CLVS1: variants seen among roughly 807,000 people sequenced by gnomAD.
CLVS1 encodes clavesin 1.
A neutral mutation model predicts 33.1 loss-of-function variants in CLVS1; 10 were observed. That is an observed-to-expected ratio of 0.30 (90% CI 0.19 to 0.51). The LOEUF is 0.51. Among genes scored for constraint, CLVS1 ranks in the 20% least tolerant of loss-of-function variants. The pLI, the probability that CLVS1 is intolerant of heterozygous loss-of-function variation, is 0.97. For missense variants in CLVS1, 343 were observed against 433.4 expected (o/e 0.79, Z 1.85); for synonymous variants, 163 against 166.1 (o/e 0.98, Z 0.14).
At chr8:60,993,835 C>G in the CLVS1 span, among the ~76,000 whole-genome samples, 2 of 152,198 alleles carry the variant, frequency 1.3e-5, no homozygotes, top group African/African-American at 4.8e-5. Context: ...CTTCTCCTGT[C>G]TTTAGGGAGC....
chr8:61,395,914 A>G (rs939345019), intron 3 of CLVS1, among the ~76,000 whole-genome samples: 1 of 152,142 alleles, frequency 6.6e-6, no homozygotes, highest in African/African-American at 2.4e-5. Flanking sequence ...CCTGTGCTTT[A>G]AGACTATTTT....
At chr8:61,112,797 T>A (rs1421944374) in intron 1 of CLVS1, among the ~76,000 whole-genome samples, 2 of 151,754 alleles carry the variant, frequency 1.3e-5, no homozygotes, top group Non-Finnish European at 2.9e-5. Context: ...CTCTGTAGTT[T>A]CCTTTTTTTT....
chr8:61,430,275 G>A (rs1816061671), intron 3 of CLVS1, among the ~76,000 whole-genome samples: 2 of 152,178 alleles, frequency 1.3e-5, no homozygotes, highest in South Asian at 2.1e-4. Context: ...AGTTGCTTAA[G>A]TCAAAGTTTA....
chr8:61,361,572 G>C (rs1051721877), intron 2 of CLVS1, among the ~76,000 whole-genome samples: 7 of 152,202 alleles, frequency 4.6e-5, no homozygotes, highest in Non-Finnish European at 7.4e-5. Flanking sequence ...GATGCAATAA[G>C]TCTTCCCCAT....
intron 2 of CLVS1, among the ~76,000 whole-genome samples, chr8:61,203,998 C>T (rs1275812010): frequency 2.6e-5 from 4 of 152,136 alleles, no homozygotes; most frequent in African/African-American, 9.7e-5. Flanking sequence ...ATCATCCTGC[C>T]ATGTAGAAGA....
At chr8:61,262,000 G>A (rs28463260) in intron 2 of CLVS1, among the ~76,000 whole-genome samples, 215 of 104,158 alleles carry the variant, frequency 2.1e-3, no homozygotes, top group Non-Finnish European at 2.1e-3. Flanking sequence ...GTGTGTGTGT[G>A]TGTGTGTGTG....
At chr8:61,301,628 A>G (rs1810440238) in intron 2 of CLVS1, among the ~76,000 whole-genome samples, 2 of 152,214 alleles carry the variant, frequency 1.3e-5, no homozygotes, top group African/African-American at 4.8e-5. Flanking sequence ...AGATATTAGT[A>G]CTATGACCCC....
intron 3 of CLVS1, among the ~76,000 whole-genome samples, chr8:61,424,569 T>C (rs1244132035): frequency 6.6e-6 from 1 of 152,218 alleles, no homozygotes; most frequent in Admixed American, 6.5e-5. Context: ...CTTCTAAATT[T>C]ACTGGTACAC....
chr8:61,494,087 C>T (rs1804190383), intron 5 of CLVS1, among the ~76,000 whole-genome samples: 3 of 152,174 alleles, frequency 2.0e-5, no homozygotes, highest in African/African-American at 7.2e-5. Context: ...GAGAGCAGAA[C>T]TCTCAGTCCA....
At chr8:60,996,954 A>T in the CLVS1 span, among the ~76,000 whole-genome samples, 1 of 152,064 alleles carries the variant, frequency 6.6e-6, no homozygotes, top group Non-Finnish European at 1.5e-5. Flanking sequence ...ATGGAGGTAG[A>T]TTCCCACCCT....
intron 2 of CLVS1, among the ~76,000 whole-genome samples, chr8:61,336,487 A>C (rs1811810379): frequency 6.6e-6 from 1 of 152,152 alleles, no homozygotes; most frequent in Non-Finnish European, 1.5e-5. Context: ...TCACCACCAG[A>C]GAAACCTCTG....
chr8:61,091,217 C>G (rs1341688250), intron 1 of CLVS1, among the ~76,000 whole-genome samples: 1 of 152,236 alleles, frequency 6.6e-6, no homozygotes, highest in East Asian at 1.9e-4. Flanking sequence ...GCGATGTGGC[C>G]AGGAGCCAAG....
chr8:61,056,343 C>A (rs1010915226), upstream of CLVS1, among the ~76,000 whole-genome samples: 1 of 152,182 alleles, frequency 6.6e-6, no homozygotes, highest in Non-Finnish European at 1.5e-5. Flanking sequence ...ATTTTTATCT[C>A]ATTGATTTCT....
intron 2 of CLVS1, among the ~76,000 whole-genome samples, chr8:61,357,117 A>G (rs1812742970): frequency 6.6e-6 from 1 of 152,118 alleles, no homozygotes; most frequent in African/African-American, 2.4e-5. Context: ...TTCTCCTTGA[A>G]GAGATCCTTC....
intron 2 of CLVS1, among the ~76,000 whole-genome samples, chr8:61,145,941 A>G (rs566336946): frequency 1.4e-4 from 21 of 152,286 alleles, no homozygotes; most frequent in Non-Finnish European, 2.6e-4. Flanking sequence ...ATCAGAGGAA[A>G]TTTCTTCTGT....
rs372149913 is a variant in CLVS1, at chr8:61,308,950, A to G, written c.455+8668A>G. On this transcript the variant is annotated intron_variant, in intron 2 of 5. Coordinates refer to ENST00000325897, the MANE Select transcript of CLVS1 (RefSeq NM_173519.3). ...GTCTTTTTCAATCAAAAGCTGAATC[A>G]CCGGTATGCTGTTAAGTGGCAAAGT... 2.6e-4 allele frequency among the ~76,000 whole-genome samples: 40 copies of G among 152,258 alleles called. No individual in the cohort carries two copies. The East Asian group carries it at 6.4e-3, about 24-fold the overall frequency.
intron 2 of CLVS1, among the ~76,000 whole-genome samples, chr8:61,276,018 T>A (rs1809555693): frequency 6.6e-6 from 1 of 152,184 alleles, no homozygotes; most frequent in South Asian, 2.1e-4. Flanking sequence ...CATCTAAGCA[T>A]TAAAGGGGAA....
At chr8:61,465,574 T>C (rs923920223) in intron 5 of CLVS1, 11 of 152,232 alleles carry the variant, frequency 7.2e-5, no homozygotes, top group African/African-American at 1.7e-4. Context: ...AATGCCATGG[T>C]GGGCTTTTGA....
intron 2 of CLVS1, among the ~76,000 whole-genome samples, chr8:61,305,380 A>C (rs564905010): frequency 6.6e-6 from 1 of 151,824 alleles, no homozygotes; most frequent in South Asian, 2.1e-4. Flanking sequence ...CTCTATCTTC[A>C]TGAGATTCAC....
Sources: allele counts gnomAD v4.1 joint callset (sites outside exome capture counted in the v4.1 genomes callset), GRCh38; gene constraint gnomAD v4.1.1; transcripts MANE v1.5; gene names NCBI Gene and HGNC (gene_info 2026-07-23, HGNC 2026-07-21).